The following COL14A1 variants were observed in gnomAD, a reference collection of about 807,000 sequenced individuals.
COL14A1 encodes collagen alpha-1(XIV) chain.
In COL14A1, 136 loss-of-function variants were observed where a neutral mutation model predicts 230.3. The observed-to-expected ratio is 0.59, with a 90% CI of 0.51 to 0.68. The LOEUF (loss-of-function observed/expected upper bound fraction) is 0.68. Among genes scored for constraint, COL14A1 ranks in the 30% least tolerant of loss-of-function variants. The pLI, the probability that COL14A1 is intolerant of heterozygous loss-of-function variation, is 0.00. For synonymous variants in COL14A1, 792 were observed against 784.1 expected, an observed-to-expected ratio of 1.01 and a Z score of -0.17; for missense variants, 1,976 against 2,215.8, an observed-to-expected ratio of 0.89 and a Z score of 2.17.
intron 5 of COL14A1, among the ~76,000 whole-genome samples, chr8:120,185,983 G>C (rs1402393936): frequency 6.6e-6 from 1 of 152,058 alleles, no homozygotes; most frequent in East Asian, 1.9e-4. Context: ...CATTTGGCCT[G>C]TCTGGTCTCG....
intron 9 of COL14A1, among the ~76,000 whole-genome samples, chr8:120,204,394 A>G (rs1432729671): frequency 2.0e-5 from 3 of 152,164 alleles, no homozygotes. Context: ...TTTTCATGTC[A>G]AAAATATTAC....
intron 18 of COL14A1, among the ~76,000 whole-genome samples, chr8:120,230,134 G>T (rs1269356759): frequency 6.6e-6 from 1 of 151,994 alleles, no homozygotes; most frequent in Non-Finnish European, 1.5e-5. Context: ...CTTCATCCTT[G>T]GCCTCCCAAA....
intron 1 of COL14A1, among the ~76,000 whole-genome samples, chr8:120,126,384 A>G (rs1367783547): frequency 6.6e-6 from 1 of 152,148 alleles, no homozygotes; most frequent in Non-Finnish European, 1.5e-5. Context: ...TCCGTGTCCA[A>G]ATGAAGCTTG....
chr8:120,343,197 C>T (rs982223840), intron 44 of COL14A1, among the ~76,000 whole-genome samples: 2 of 152,156 alleles, frequency 1.3e-5, no homozygotes, highest in African/African-American at 2.4e-5. Flanking sequence ...CAGATGGTTA[C>T]TAGTGTGGGC....
chr8:120,146,333 T>G (rs899761238), intron 1 of COL14A1, among the ~76,000 whole-genome samples: 3 of 152,318 alleles, frequency 2.0e-5, no homozygotes, highest in African/African-American at 7.2e-5. Flanking sequence ...AAAATATGTT[T>G]TAGTTAATCT....
chr8:120,358,640 T>A (rs1030096658), intron 45 of COL14A1, among the ~76,000 whole-genome samples: 6 of 151,276 alleles, frequency 4.0e-5, no homozygotes, highest in African/African-American at 1.5e-4. Flanking sequence ...AGAAGGAGAT[T>A]TGGTTATACT....
chr8:120,140,476 A>G (rs1406170049), intron 1 of COL14A1, among the ~76,000 whole-genome samples: 1 of 152,158 alleles, frequency 6.6e-6, no homozygotes, highest in Non-Finnish European at 1.5e-5. Context: ...AACATTTAAT[A>G]CTATAAATAA....
At chr8:120,306,183 T>A (rs1404306151) in intron 36 of COL14A1, among the ~76,000 whole-genome samples, 1 of 152,180 alleles carries the variant, frequency 6.6e-6, no homozygotes, top group Non-Finnish European at 1.5e-5. Context: ...AGTTCTTAAT[T>A]ACAGTAGTGT....
At chr8:120,331,414 T>A (rs1220401964) in intron 40 of COL14A1, among the ~76,000 whole-genome samples, 3 of 152,244 alleles carry the variant, frequency 2.0e-5, no homozygotes, top group Non-Finnish European at 4.4e-5. Context: ...AAGGCCAGCA[T>A]TCACAATTAA....
Position 120,158,169 on chromosome 8 carries a change from A to G in COL14A1, c.128A>G (p.His43Arg). ...AGGTTAAGATATAATGTAATATCTC[A>G]TGACAGTATACAGATTTCATGGAAG... ...PTRLRYNVIS[H>R]DSIQISWKAP... Residue 43 changes from histidine to arginine, a missense_variant, in exon 3 of 48, where the codon CAT becomes CGT. Physicochemically the swap from His to Arg is conservative, Grantham distance 29. Coordinates refer to ENST00000297848, the MANE Select transcript of COL14A1 (RefSeq NM_021110.4). The G allele has an allele frequency of 1.2e-6, 2 of 1,608,332 alleles. No homozygotes were observed. The highest frequency in any genetic ancestry group is 3.4e-5 in the Admixed American group (2 of 59,340).
chr8:120,278,433 A>G lies in COL14A1; in HGVS notation c.3338-2A>G. 1 of 1,607,226 alleles carries G rather than the reference A, an allele frequency of 6.2e-7. No homozygotes were observed. Among genetic ancestry groups the G allele is most frequent in the Non-Finnish European group, 8.5e-7 (1 of 1,177,452 alleles). On this transcript the variant is annotated splice_acceptor_variant, in intron 27 of 47. Coordinates refer to ENST00000297848, the MANE Select transcript of COL14A1 (RefSeq NM_021110.4). LOFTEE classifies it high-confidence loss of function. The stretch of plus-strand genomic sequence containing the variant: ...TCAAACTGTTGCCTTTCTTTGTTTC[A>G]GGAAAAGCAATTAAGTATGTTCGAG...
chr8:120,199,602 C>T, intron 8 of COL14A1, 36 bp downstream of exon 8: 1 of 1,580,648 alleles, frequency 6.3e-7, no homozygotes. Flanking sequence ...CAACTAAGGG[C>T]ATAGACCCAC....
At chr8:120,182,949 A>G (rs1294599645) in intron 5 of COL14A1, among the ~76,000 whole-genome samples, 4 of 151,752 alleles carry the variant, frequency 2.6e-5, no homozygotes, top group African/African-American at 9.7e-5. Flanking sequence ...GTGGTCTCAA[A>G]CTCCTGAGCT....
chr8:120,370,983 A>G, intron 47 of COL14A1, 169 bp from the exon 48 acceptor site: 1 of 1,064,932 alleles, frequency 9.4e-7, no homozygotes, highest in Middle Eastern at 2.5e-4. Flanking sequence ...TCTATTTACT[A>G]ACTGTCTGAA....
At chr8:120,310,538 A>T (rs1379600942) in intron 37 of COL14A1, among the ~76,000 whole-genome samples, 3 of 152,188 alleles carry the variant, frequency 2.0e-5, no homozygotes, top group Non-Finnish European at 2.9e-5. Context: ...GTGGTGGTTC[A>T]GGTTGTACAT....
chr8:120,209,165 G>A (rs891548960), intron 11 of COL14A1, among the ~76,000 whole-genome samples: 4 of 152,036 alleles, frequency 2.6e-5, no homozygotes, highest in Admixed American at 2.6e-4. Flanking sequence ...TCTCAAGGAT[G>A]TTTTAGTGAG....
In COL14A1 at chr8:120,231,654, A is replaced by G. The variant is rs201819676; in HGVS notation, c.2349+36A>G. 52 of 1,601,240 alleles carry G rather than the reference A, an allele frequency of 3.2e-5. No individual in the cohort carries two copies. Among genetic ancestry groups the G allele is most frequent in the Admixed American group, 3.4e-5 (2 of 58,142 alleles). On this transcript the variant is annotated intron_variant, in intron 19 of 47. Transcript: ENST00000297848. ...ATTCAACTGACTAGAAACTCTGCAGATGTTACTAACACAGCTAATAAGACT... is the reference window on the plus strand; with the variant it reads ...ATTCAACTGACTAGAAACTCTGCAGGTGTTACTAACACAGCTAATAAGACT...
At chr8:120,136,507 A>G (rs1026645196) in intron 1 of COL14A1, among the ~76,000 whole-genome samples, 9 of 152,174 alleles carry the variant, frequency 5.9e-5, no homozygotes, top group African/African-American at 2.2e-4. Context: ...ATATTAAACC[A>G]ATATTACATT....
intron 19 of COL14A1, among the ~76,000 whole-genome samples, chr8:120,232,521 G>T (rs1225078856): frequency 1.3e-5 from 2 of 152,132 alleles, no homozygotes; most frequent in Non-Finnish European, 2.9e-5. Context: ...TGTAGTGTTT[G>T]GTTGCCTGTT....
Sources: gnomAD v4.1 joint callset for allele counts (sites outside exome capture counted in the v4.1 genomes callset) on GRCh38, gnomAD v4.1.1 for gene constraint, MANE v1.5 for transcripts, NCBI Gene and HGNC (gene_info 2026-07-23, HGNC 2026-07-21) for gene names.